CYSLTR2: variants seen among roughly 807,000 people sequenced by gnomAD.
The protein encoded by CYSLTR2 is G-protein coupled receptor GPCR21.
For synonymous variants in CYSLTR2, 179 were observed against 160.8 expected, an observed-to-expected ratio of 1.11 and a Z score of -0.86; for missense variants, 398 against 411.9, an observed-to-expected ratio of 0.97 and a Z score of 0.29.
chr13:48,673,568 C>T (rs1953509186), intron 1 of CYSLTR2, among the ~76,000 whole-genome samples: 2 of 149,308 alleles, frequency 1.3e-5, no homozygotes, highest in Non-Finnish European at 3.0e-5. Context: ...GGTCTTGACT[C>T]TTTATCCAAT....
chr13:48,687,332 C>CATCTATCTATCTATCTATCT (rs375041227), intron 1 of CYSLTR2, among the ~76,000 whole-genome samples: 11 of 151,978 alleles, frequency 7.2e-5, no homozygotes, highest in African/African-American at 2.7e-4. Context: ...AATCTCCTCT[C>CATCTATCTATCTATCTATCT]ATCTATCTAT....
chr13:48,693,730 GC>G (rs1039580468), intron 3 of CYSLTR2, among the ~76,000 whole-genome samples: 1 of 151,558 alleles, frequency 6.6e-6, no homozygotes, highest in African/African-American at 2.4e-5. Context: ...ATTGGTTTAA[GC>G]CCCTGGCGAT....
At chr13:48,690,046 G>T (rs955850339) in intron 1 of CYSLTR2, among the ~76,000 whole-genome samples, 1 of 151,956 alleles carries the variant, frequency 6.6e-6, no homozygotes, top group African/African-American at 2.4e-5. Flanking sequence ...TCATGATTTA[G>T]CTCTCTGCTT....
chr13:48,659,157 C>A (rs905412491), intron 1 of CYSLTR2, among the ~76,000 whole-genome samples: 2 of 152,036 alleles, frequency 1.3e-5, no homozygotes, highest in Non-Finnish European at 2.9e-5. Flanking sequence ...AGGAGGAGAG[C>A]CCATGGTTTA....
chr13:48,676,477 C>G (rs1953599427), intron 1 of CYSLTR2, among the ~76,000 whole-genome samples: 1 of 152,160 alleles, frequency 6.6e-6, no homozygotes, highest in Non-Finnish European at 1.5e-5. Flanking sequence ...CATCAGCTAA[C>G]AAAGTCTGAG....
chr13:48,698,848 C>CA lies in CYSLTR2; in HGVS notation c.-2+2230dup, dbSNP rs748544955. 6.4e-3 allele frequency among the ~76,000 whole-genome samples: 966 copies of CA among 151,168 alleles called. 6 individuals carry two copies. The highest frequency in any genetic ancestry group is 8.2e-3 in the Non-Finnish European group (555 of 67,660). ...GAAGATCTACCAAGCAAATGGAAAA[C>CA]AAAAAAAAGCAGGGGTTGCAATCCT... On this transcript the variant is annotated intron_variant, in intron 4 of 4. Transcript: ENST00000682523.
intron 1 of CYSLTR2, among the ~76,000 whole-genome samples, chr13:48,673,433 C>CTTTTTTTTTTTTTTTTTTTTT (rs61699943): frequency 1.4e-4 from 7 of 48,318 alleles, no homozygotes; most frequent in Non-Finnish European, 1.8e-4. Flanking sequence ...GTAACCCCGG[C>CTTTTTTTTTTTTTTTTTTTTT]TTTTTTTTTT....
chr13:48,673,433 CTTTTTTTT>C lies in CYSLTR2; in HGVS notation c.-265-17761_-265-17754del, dbSNP rs61699943. ...TCAGAGACTAGGATTGTAACCCCGG[CTTTTTTTT>C]TTTTTTTTTTTTTTTTTGCTTTCCA... On this transcript the variant is annotated intron_variant, in intron 1 of 4. Transcript: ENST00000682523. Among the ~76,000 whole-genome samples the C allele has an allele frequency of 2.2e-3, 107 of 48,330 alleles. 1 individual carries two copies. Among genetic ancestry groups the C allele is most frequent in the Admixed American group, 0.011 (32 of 2,838 alleles). 31.7% of individuals were successfully genotyped at this position (48,330 alleles called of 152,430 possible). A position where few individuals can be genotyped will look rare whatever the true frequency, so the allele number is the denominator to read the frequency against.
At chr13:48,688,705 C>T (rs1210288864) in intron 1 of CYSLTR2, among the ~76,000 whole-genome samples, 1 of 152,146 alleles carries the variant, frequency 6.6e-6, no homozygotes, top group East Asian at 1.9e-4. Flanking sequence ...TTGAGTAGTG[C>T]TTCAATAAAC....
intron 1 of CYSLTR2, among the ~76,000 whole-genome samples, chr13:48,687,664 T>G (rs1953930959): frequency 1.3e-5 from 2 of 152,208 alleles, no homozygotes; most frequent in South Asian, 4.1e-4. Context: ...CAGCCCTCCA[T>G]CTGAAGAGTT....
intron 1 of CYSLTR2, among the ~76,000 whole-genome samples, chr13:48,681,882 C>T (rs777323511): frequency 1.4e-4 from 21 of 152,236 alleles, no homozygotes; most frequent in Non-Finnish European, 2.6e-4. Context: ...TCTACTTTTT[C>T]GGCCCCTTCT....
chr13:48,673,458 T>G (rs1231227658), intron 1 of CYSLTR2, among the ~76,000 whole-genome samples: 1 of 121,950 alleles, frequency 8.2e-6, no homozygotes, highest in Admixed American at 8.3e-5. Context: ...TTTTTTTTTT[T>G]GCTTTCCATT....
At chr13:48,698,958 A>G (rs1473952888) in intron 4 of CYSLTR2, among the ~76,000 whole-genome samples, 1 of 152,258 alleles carries the variant, frequency 6.6e-6, no homozygotes, top group Non-Finnish European at 1.5e-5. Context: ...GATCGACTCA[A>G]CAAGAAGAGC....
At position 48,708,880 on chromosome 13, in the gene CYSLTR2, G is replaced by T. The variant is rs1184436224; in HGVS notation, c.*1022G>T. The T allele has an allele frequency of 6.0e-6, 1 of 167,012 alleles. No individual in the cohort carries two copies. The highest frequency in any genetic ancestry group is 2.4e-5 in the African/African-American group (1 of 41,426). The allele number at this position is 167,012 out of a possible 1,614,324, so 10.3% of individuals were successfully genotyped here. A position where few individuals can be genotyped will look rare whatever the true frequency, so the allele number is the denominator to read the frequency against. On this transcript the variant is annotated 3_prime_UTR_variant, in exon 5 of 5. Coordinates refer to ENST00000682523, the MANE Select transcript of CYSLTR2 (RefSeq NM_001308476.3). ...AGAAAAACACTAGATAGTGTGAGAG[G>T]TTCCTTTCTGTCCACTGAAACAAGG... is the stretch of plus-strand genomic sequence containing the variant.
At chr13:48,690,530 G>C (rs890841641) in intron 1 of CYSLTR2, among the ~76,000 whole-genome samples, 4 of 152,076 alleles carry the variant, frequency 2.6e-5, no homozygotes, top group African/African-American at 9.7e-5. Flanking sequence ...TTTTGTTATT[G>C]GTTCTGTTTC....
At chr13:48,657,638 T>C (rs1480304717) in intron 1 of CYSLTR2, among the ~76,000 whole-genome samples, 1 of 151,856 alleles carries the variant, frequency 6.6e-6, no homozygotes, top group African/African-American at 2.4e-5. Context: ...ATTACCTACA[T>C]TGTACATTAT....
intron 4 of CYSLTR2, among the ~76,000 whole-genome samples, chr13:48,706,088 C>T (rs1336144183): frequency 2.0e-5 from 3 of 151,372 alleles, no homozygotes; most frequent in Non-Finnish European, 2.9e-5. Flanking sequence ...CTTCTGCCTC[C>T]CAGGTTCAGG....
chr13:48,664,577 C>T (rs528347330), intron 1 of CYSLTR2, among the ~76,000 whole-genome samples: 42 of 151,960 alleles, frequency 2.8e-4, no homozygotes, highest in African/African-American at 9.9e-4. Context: ...TAGGAATTTA[C>T]CCATTTCCTG....
At chr13:48,672,337 C>T (rs1953455551) in intron 1 of CYSLTR2, among the ~76,000 whole-genome samples, 1 of 151,900 alleles carries the variant, frequency 6.6e-6, no homozygotes, top group South Asian at 2.1e-4. Flanking sequence ...AATTTGTTTG[C>T]TCTTGCTTCT....
Sources: gnomAD v4.1 joint callset for allele counts (sites outside exome capture counted in the v4.1 genomes callset) on GRCh38, gnomAD v4.1.1 for gene constraint, MANE v1.5 for transcripts, NCBI Gene and HGNC (gene_info 2026-07-23, HGNC 2026-07-21) for gene names.